The following OSBP2 variants were observed in gnomAD, a reference collection of about 807,000 sequenced individuals.
The protein encoded by OSBP2 is oxysterol binding protein 2.
In OSBP2, 66 loss-of-function variants were observed where a neutral mutation model predicts 96.0. The ratio of observed to expected loss-of-function variants is 0.69; its 90% confidence interval spans 0.56 to 0.84. The LOEUF (loss-of-function observed/expected upper bound fraction) is 0.84. Ranked by LOEUF, OSBP2 falls within the 40% of genes least tolerant of loss-of-function variation. The pLI, the probability that OSBP2 is intolerant of heterozygous loss-of-function variation, is 0.00. For synonymous variants in OSBP2, 525 were observed against 520.9 expected (o/e 1.01, Z -0.11); for missense variants, 1,038 against 1,222.7 (o/e 0.85, Z 2.25).
chr22:30,814,455 T>C (rs2091055344), intron 2 of OSBP2, among the ~76,000 whole-genome samples: 1 of 146,798 alleles, frequency 6.8e-6, no homozygotes, highest in Non-Finnish European at 1.5e-5. Context: ...TTTTTTAAGA[T>C]GGAGTCTCAC....
Position 30,770,097 on chromosome 22 carries a change from A to AT in OSBP2, c.853+28748dup, listed in dbSNP as rs136328. The stretch of plus-strand genomic sequence containing the variant: ...TGTTCCTCATTAACCTTCCCCCATG[A>AT]TTTTTTTTTTTTTTTTTTTTGAGAT... On this transcript the variant is annotated intron_variant, in intron 2 of 13. Coordinates refer to ENST00000332585, the MANE Select transcript of OSBP2 (RefSeq NM_030758.4). Among the ~76,000 whole-genome samples, 1,142 of 117,832 alleles carry AT rather than the reference A, an allele frequency of 9.7e-3. 25 individuals are homozygous for AT. The highest frequency in any genetic ancestry group is 0.03 in the African/African-American group (913 of 29,992). 77.3% of individuals were successfully genotyped at this position (117,832 alleles called of 152,430 possible).
At chr22:30,744,924 A>T (rs1406303412) in intron 2 of OSBP2, among the ~76,000 whole-genome samples, 1 of 152,236 alleles carries the variant, frequency 6.6e-6, no homozygotes, top group Admixed American at 6.5e-5. Context: ...ATGTTAGGCC[A>T]CAAAACAAGT....
chr22:30,695,446 A>G lies in OSBP2; in HGVS notation c.537A>G (p.Leu179=). Residue 179 remains leucine (L), a synonymous_variant, in exon 1 of 14, where the codon TTA becomes TTG. Coordinates refer to ENST00000332585, the MANE Select transcript of OSBP2 (RefSeq NM_030758.4). The part of the protein sequence containing the change: ...TGTTSSAPLA[L]LPLDSFEGWL... ...CGACCTCCAGTGCCCCACTGGCCTT[A>G]CTGCCTCTGGACAGCTTCGAGGGCT... 1 of 1,613,668 alleles carries G rather than the reference A, an allele frequency of 6.2e-7. No individual in the cohort carries two copies. The highest frequency in any genetic ancestry group is 1.1e-5 in the South Asian group (1 of 91,084).
In OSBP2 at chr22:30,709,706, AT is replaced by A. The variant is rs571759211; in HGVS notation, c.644+14165del. 7.7e-4 allele frequency among the ~76,000 whole-genome samples: 115 copies of A among 148,942 alleles called. No homozygotes were observed. In the East Asian group the frequency reaches 8.6e-3, roughly 11 times the overall value. On this transcript the variant is annotated intron_variant, in intron 1 of 13. Coordinates refer to ENST00000332585, the MANE Select transcript of OSBP2 (RefSeq NM_030758.4). ...AAATTAGTCTAATTATTTAAAAAAA[AT>A]TTTTTTTTTTTAAGACATGGGGTCT...
At chr22:30,698,573 G>T (rs2089095403) in intron 1 of OSBP2, among the ~76,000 whole-genome samples, 2 of 152,034 alleles carry the variant, frequency 1.3e-5, no homozygotes, top group East Asian at 3.9e-4. Flanking sequence ...CGAGTAGCTG[G>T]AACTACAGGC....
At chr22:30,872,728 C>T (rs1254286000) in intron 3 of OSBP2, among the ~76,000 whole-genome samples, 3 of 152,318 alleles carry the variant, frequency 2.0e-5, no homozygotes, top group Admixed American at 6.5e-5. Context: ...AGTGCTGCCC[C>T]GACAGACTGT....
Position 30,906,491 on chromosome 22 carries a change from G to A in OSBP2, c.*152G>A. On this transcript the variant is annotated 3_prime_UTR_variant, in exon 14 of 14. Transcript: ENST00000332585. ...TTTTTTTTTCTCCCCACACTTTCTTGGGACTCCCACCTTGGAAGGAGGAAG... is the reference window on the plus strand; with the variant it reads ...TTTTTTTTTCTCCCCACACTTTCTTAGGACTCCCACCTTGGAAGGAGGAAG... 1.1e-6 allele frequency: 1 copy of A among 943,500 alleles called. No homozygotes were observed. Among genetic ancestry groups the A allele is most frequent in the Non-Finnish European group, 1.5e-6 (1 of 678,256 alleles). The allele number at this position is 943,500 out of a possible 1,614,324, so 58.4% of individuals were successfully genotyped here. A position where few individuals can be genotyped will look rare whatever the true frequency, so the allele number is the denominator to read the frequency against.
chr22:30,820,068 G>T (rs575353158), intron 2 of OSBP2, among the ~76,000 whole-genome samples: 1 of 152,096 alleles, frequency 6.6e-6, no homozygotes, highest in Non-Finnish European at 1.5e-5. Context: ...GTTTCTGAAC[G>T]TTTCCCCAAA....
chr22:30,790,696 G>A lies in OSBP2; in HGVS notation c.853+49327G>A, dbSNP rs532333936. 5.3e-5 allele frequency among the ~76,000 whole-genome samples: 8 copies of A among 151,164 alleles called. No homozygotes were observed. The South Asian group carries it at 1.7e-3, about 32-fold the overall frequency. The stretch of plus-strand genomic sequence containing the variant: ...GAGGGAGCATACTTTATAGGTTAAA[G>A]GAAATTTTTTTGATATGTGGTAATT... On this transcript the variant is annotated intron_variant, in intron 2 of 13. Transcript: ENST00000332585.
intron 12 of OSBP2, among the ~76,000 whole-genome samples, chr22:30,899,581 TAA>T (rs1359414253): frequency 6.6e-6 from 1 of 152,150 alleles, no homozygotes; most frequent in East Asian, 1.9e-4. Flanking sequence ...CAATTTCATA[TAA>T]AGTGTTCCAG....
intron 12 of OSBP2, among the ~76,000 whole-genome samples, chr22:30,896,599 T>C (rs2040073355): frequency 6.7e-6 from 1 of 149,716 alleles, no homozygotes; most frequent in Non-Finnish European, 1.5e-5. Context: ...ATAATAAATA[T>C]AAATAGATGA....
At chr22:30,759,450 T>C (rs1245497687) in intron 2 of OSBP2, among the ~76,000 whole-genome samples, 1 of 152,160 alleles carries the variant, frequency 6.6e-6, no homozygotes, top group Non-Finnish European at 1.5e-5. Flanking sequence ...TTTGATAGAC[T>C]GCTAAAATGA....
In OSBP2 at chr22:30,745,666, C is replaced by CAA. The variant is rs71328868; in HGVS notation, c.853+4320_853+4321dup. ...TGGGCAACAGAGTGAGACTCTGTCT[C>CAA]AAAAAAAAAAAAAAAAAAAAAAAAT... On this transcript the variant is annotated intron_variant, in intron 2 of 13. Coordinates refer to ENST00000332585, the MANE Select transcript of OSBP2 (RefSeq NM_030758.4). Among the ~76,000 whole-genome samples the CAA allele has an allele frequency of 3.7e-3, 214 of 58,518 alleles. 2 individuals carry two copies. Among genetic ancestry groups the CAA allele is most frequent in the Non-Finnish European group, 4.6e-3 (144 of 31,090 alleles). The allele number at this position is 58,518 out of a possible 152,430, so 38.4% of individuals were successfully genotyped here. A position where few individuals can be genotyped will look rare whatever the true frequency, so the allele number is the denominator to read the frequency against.
At chr22:30,708,478 ATTTTTT>A (rs56361178) in intron 1 of OSBP2, among the ~76,000 whole-genome samples, 57 of 63,468 alleles carry the variant, frequency 9.0e-4, no homozygotes, top group South Asian at 1.5e-3. Flanking sequence ...AAGGATAAGG[ATTTTTT>A]TTTTTTTTTT....
At chr22:30,769,323 T>C (rs2090318417) in intron 2 of OSBP2, among the ~76,000 whole-genome samples, 1 of 152,196 alleles carries the variant, frequency 6.6e-6, no homozygotes, top group Non-Finnish European at 1.5e-5. Context: ...CATAAAGAGA[T>C]GGTTGTGAGG....
At chr22:30,774,506 CA>C (rs1434291894) in intron 2 of OSBP2, among the ~76,000 whole-genome samples, 2 of 152,206 alleles carry the variant, frequency 1.3e-5, no homozygotes, top group African/African-American at 4.8e-5. Flanking sequence ...ATGCTAGGAG[CA>C]AAAGGTGTGT....
intron 2 of OSBP2, among the ~76,000 whole-genome samples, chr22:30,865,266 T>G (rs908258398): frequency 1.3e-5 from 2 of 151,974 alleles, no homozygotes; most frequent in African/African-American, 4.8e-5. Context: ...GGGAATGGGG[T>G]GTGGGGGCAC....
chr22:30,756,764 C>T (rs2090145877), intron 2 of OSBP2, among the ~76,000 whole-genome samples: 1 of 152,144 alleles, frequency 6.6e-6, no homozygotes, highest in South Asian at 2.1e-4. Context: ...ATGCTACAAA[C>T]TGCCCAGCAG....
At chr22:30,811,332 T>A (rs944526031) in intron 2 of OSBP2, among the ~76,000 whole-genome samples, 4 of 138,142 alleles carry the variant, frequency 2.9e-5, no homozygotes, top group South Asian at 2.3e-4. Flanking sequence ...TTTTTATTTA[T>A]TTTATTTATT....
Sources: gnomAD v4.1 joint callset for allele counts (sites outside exome capture counted in the v4.1 genomes callset) on GRCh38, gnomAD v4.1.1 for gene constraint, MANE v1.5 for transcripts, NCBI Gene and HGNC (gene_info 2026-07-23, HGNC 2026-07-21) for gene names.